PDSS2: variants seen among roughly 807,000 people sequenced by gnomAD.
PDSS2 encodes the protein decaprenyl diphosphate synthase subunit 2.
In PDSS2, 31 loss-of-function variants were observed where a neutral mutation model predicts 44.5. That is an observed-to-expected ratio of 0.70 (90% CI 0.52 to 0.94). PDSS2 has a LOEUF of 0.94. Among genes scored for constraint, PDSS2 ranks in the 40% least tolerant of loss-of-function variants. The pLI is 0.00. For missense variants in PDSS2, 452 were observed against 482.2 expected (o/e 0.94, Z 0.59); for synonymous variants, 157 against 180.3 (o/e 0.87, Z 1.03).
intron 1 of PDSS2, among the ~76,000 whole-genome samples, chr6:107,436,825 T>C (rs1403943499): frequency 2.0e-5 from 3 of 152,198 alleles, no homozygotes; most frequent in Admixed American, 2.0e-4. Flanking sequence ...AACATCACTA[T>C]GTACCCCATG....
chr6:107,422,537 A>G (rs1031205117), intron 1 of PDSS2, among the ~76,000 whole-genome samples: 1 of 152,116 alleles, frequency 6.6e-6, no homozygotes, highest in Non-Finnish European at 1.5e-5. Context: ...AGTACTATCT[A>G]TAATAGTGAA....
chr6:107,234,765 C>T (rs1206981016), intron 4 of PDSS2, among the ~76,000 whole-genome samples: 1 of 152,062 alleles, frequency 6.6e-6, no homozygotes, highest in Admixed American at 6.6e-5. Flanking sequence ...ATTTCTTATT[C>T]CCATGGCCAA....
chr6:107,307,371 G>A (rs1203698463), intron 2 of PDSS2, among the ~76,000 whole-genome samples: 1 of 152,138 alleles, frequency 6.6e-6, no homozygotes, highest in African/African-American at 2.4e-5. Flanking sequence ...TTTTCACAAA[G>A]GGATAGAACT....
In PDSS2 at chr6:107,384,368, C is replaced by T. The variant is rs148052295; in HGVS notation, c.297-50036G>A. ...TAAAACCCACTAAACTGGCTGGGCG[C>T]GGTGGCTCACGCCTGTAATCCCAGC... On this transcript the variant is annotated intron_variant, in intron 1 of 7. Transcript: ENST00000369037. Among the ~76,000 whole-genome samples, 27 of 152,168 alleles carry T rather than the reference C, an allele frequency of 1.8e-4. No individual in the cohort carries two copies. The East Asian group carries it at 3.7e-3, about 21-fold the overall frequency.
In PDSS2 at chr6:107,255,954, A is replaced by G. The variant is rs1331953803; in HGVS notation, c.631-10335T>C. Among the ~76,000 whole-genome samples, 3 of 152,116 alleles carry G rather than the reference A, an allele frequency of 2.0e-5. No homozygotes were observed. The East Asian group carries it at 5.8e-4, about 29-fold the overall frequency. ...CTATTAGGGTGCATTTCAATCTTGTAGGCTTGTATCAATAATGCTGATGCT... is the reference window on the plus strand; with the variant it reads ...CTATTAGGGTGCATTTCAATCTTGTGGGCTTGTATCAATAATGCTGATGCT... On this transcript the variant is annotated intron_variant, in intron 3 of 7. Coordinates refer to ENST00000369037, the MANE Select transcript of PDSS2 (RefSeq NM_020381.4).
intron 7 of PDSS2, among the ~76,000 whole-genome samples, chr6:107,172,659 G>C (rs569054817): frequency 1.8e-4 from 27 of 152,190 alleles, no homozygotes; most frequent in South Asian, 4.1e-4. Flanking sequence ...CTTCAAAAAG[G>C]GTTGTTAAAC....
chr6:107,425,891 G>A (rs1352003978), intron 1 of PDSS2, among the ~76,000 whole-genome samples: 1 of 151,966 alleles, frequency 6.6e-6, no homozygotes, highest in Non-Finnish European at 1.5e-5. Context: ...AGCCTGGGAG[G>A]TGGAGCTTGC....
At chr6:107,307,113 T>C (rs1244875256) in intron 2 of PDSS2, among the ~76,000 whole-genome samples, 1 of 152,220 alleles carries the variant, frequency 6.6e-6, no homozygotes, top group Non-Finnish European at 1.5e-5. Flanking sequence ...TAGGCACACA[T>C]TCTGTGAACA....
chr6:107,245,532 C>G lies in PDSS2; in HGVS notation c.702+16G>C, dbSNP rs200017192. ...CGGTTTATAACATAACATTTTATGA[C>G]TCTGAAATCCTTTACCTTTGAAGTA... On this transcript the variant is annotated intron_variant, in intron 4 of 7. Transcript: ENST00000369037. 2.9e-6 allele frequency: 4 copies of G among 1,396,768 alleles called. No individual in the cohort carries two copies. Among genetic ancestry groups the G allele is most frequent in the Non-Finnish European group, 4.0e-6 (4 of 998,114 alleles). 86.5% of individuals were successfully genotyped at this position (1,396,768 alleles called of 1,614,324 possible).
intron 7 of PDSS2, among the ~76,000 whole-genome samples, chr6:107,161,479 CA>C (rs1179874959): frequency 1.4e-4 from 13 of 95,212 alleles, no homozygotes; most frequent in Non-Finnish European, 2.4e-4. Context: ...GACTCCGTCT[CA>C]GGAAAAAAAA....
At chr6:107,458,418 A>AAAAAAAAAAAAAAAAAAAAAAAC in intron 1 of PDSS2, among the ~76,000 whole-genome samples, 1 of 99,434 alleles carries the variant, frequency 1.0e-5, no homozygotes, top group African/African-American at 3.0e-5. Flanking sequence ...GTCTCAAAAA[A>AAAAAAAAAAAAAAAAAAAAAAAC]AAAAAAAAAA....
chr6:107,437,177 A>G (rs1416563074), intron 1 of PDSS2, among the ~76,000 whole-genome samples: 1 of 152,140 alleles, frequency 6.6e-6, no homozygotes, highest in African/African-American at 2.4e-5. Flanking sequence ...CTTTGAAATA[A>G]GGGAAGACTA....
At chr6:107,251,353 T>C (rs1426947613) in intron 3 of PDSS2, among the ~76,000 whole-genome samples, 2 of 152,270 alleles carry the variant, frequency 1.3e-5, no homozygotes, top group African/African-American at 4.8e-5. Flanking sequence ...TTGCAAAAAT[T>C]TGTCCTCAGG....
intron 3 of PDSS2, 83 bp downstream of exon 3, chr6:107,273,946 G>A (rs930983258): frequency 2.4e-5 from 25 of 1,020,602 alleles, no homozygotes; most frequent in East Asian, 4.7e-5. Flanking sequence ...TGGGGCAGCC[G>A]GGCACACAGA....
intron 1 of PDSS2, among the ~76,000 whole-genome samples, chr6:107,407,758 G>C (rs550183539): frequency 3.3e-5 from 5 of 152,158 alleles, no homozygotes; most frequent in Admixed American, 1.3e-4. Flanking sequence ...GGAGTGCAGT[G>C]CCACGGTCTT....
At chr6:107,155,982 C>T (rs1770879848) in intron 7 of PDSS2, among the ~76,000 whole-genome samples, 2 of 147,762 alleles carry the variant, frequency 1.4e-5, no homozygotes, top group South Asian at 4.3e-4. Context: ...CTCCGCCTCC[C>T]GGATTCAAGC....
At chr6:107,229,827 A>G (rs1014690900) in intron 4 of PDSS2, 2 of 155,672 alleles carry the variant, frequency 1.3e-5, no homozygotes, top group Non-Finnish European at 2.9e-5. Context: ...TGGAAATACA[A>G]CAAATGGTAA....
At chr6:107,342,069 C>A (rs1490173422) in intron 1 of PDSS2, among the ~76,000 whole-genome samples, 2 of 151,854 alleles carry the variant, frequency 1.3e-5, no homozygotes, top group Non-Finnish European at 2.9e-5. Context: ...TGCTTTGAGG[C>A]CTTGGTATTT....
At chr6:107,289,372 C>CA (rs376719889) in intron 2 of PDSS2, among the ~76,000 whole-genome samples, 32,061 of 112,466 alleles carry the variant, frequency 0.29, 4,981 homozygotes, top group Middle Eastern at 0.54. Context: ...GACTCTGTCT[C>CA]AAAAAAAAAA....
Sources: gnomAD v4.1 joint callset for allele counts (sites outside exome capture counted in the v4.1 genomes callset) on GRCh38, gnomAD v4.1.1 for gene constraint, MANE v1.5 for transcripts, NCBI Gene and HGNC (gene_info 2026-07-23, HGNC 2026-07-21) for gene names.